TMBIM4: variants seen among roughly 807,000 people sequenced by gnomAD.
TMBIM4 encodes protein lifeguard 4.
In TMBIM4, 28 loss-of-function variants were observed where a neutral mutation model predicts 27.7. That is an observed-to-expected ratio of 1.01 (90% CI 0.75 to 1.38). TMBIM4 has a LOEUF of 1.38. Ranked by LOEUF, TMBIM4 falls within the 40% of genes most tolerant of loss-of-function variation. TMBIM4 has a pLI of 0.00. For missense variants in TMBIM4, 265 were observed against 277.5 expected, an observed-to-expected ratio of 0.95 and a Z score of 0.32; for synonymous variants, 115 against 113.1, an observed-to-expected ratio of 1.02 and a Z score of -0.11.
At chr12:66,149,359 C>T (rs950664453) in intron 3 of TMBIM4, among the ~76,000 whole-genome samples, 2 of 147,890 alleles carry the variant, frequency 1.4e-5, no homozygotes, top group Non-Finnish European at 3.0e-5. Flanking sequence ...GTGGGAGGAT[C>T]GCTTAAGCCC....
At chr12:66,149,887 T>C (rs1389850082) in intron 3 of TMBIM4, among the ~76,000 whole-genome samples, 1 of 150,990 alleles carries the variant, frequency 6.6e-6, no homozygotes, top group Non-Finnish European at 1.5e-5. Context: ...TGTGCATGCA[T>C]ACACACACAC....
intron 4 of TMBIM4, among the ~76,000 whole-genome samples, chr12:66,147,476 A>G (rs1418403259): frequency 6.6e-6 from 1 of 152,214 alleles, no homozygotes; most frequent in Non-Finnish European, 1.5e-5. Flanking sequence ...TGTTTCTTGC[A>G]GTGCCATTTG....
intron 4 of TMBIM4, among the ~76,000 whole-genome samples, chr12:66,146,222 C>A (rs544817183): frequency 6.6e-6 from 1 of 152,160 alleles, no homozygotes; most frequent in African/African-American, 2.4e-5. Context: ...AGAGCTATCA[C>A]GCCTGTAGCC....
chr12:66,155,359 A>AGG (rs2051917154), intron 1 of TMBIM4, among the ~76,000 whole-genome samples: 4 of 150,728 alleles, frequency 2.7e-5, no homozygotes, highest in South Asian at 2.1e-4. Context: ...AGAGAGAGAG[A>AGG]GGCAGGGTCT....
chr12:66,162,461 C>T (rs1023157638), intron 1 of TMBIM4, among the ~76,000 whole-genome samples: 12 of 152,204 alleles, frequency 7.9e-5, no homozygotes, highest in African/African-American at 2.9e-4. Flanking sequence ...TTACTGCTCT[C>T]CTAGATTATT....
intron 1 of TMBIM4, among the ~76,000 whole-genome samples, chr12:66,158,782 C>T (rs2051989416): frequency 6.6e-6 from 1 of 152,154 alleles, no homozygotes; most frequent in Non-Finnish European, 1.5e-5. Context: ...CAGTAAGAAT[C>T]ACAAGACACC....
chr12:66,169,939 CG>C lies in TMBIM4; in HGVS notation c.12del (p.Asp5ThrfsTer31). MAD[P>X]DPRYPRSSIE... ...ATCGAGGAGCGAGGGTACCGGGGGT[CG>C]GGGTCAGCCATGATGGCAACAGCAC... On this transcript the variant is annotated frameshift_variant, in exon 1 of 7. Coordinates refer to ENST00000358230, the MANE Select transcript of TMBIM4 (RefSeq NM_016056.4). LOFTEE classifies it high-confidence loss of function. The C allele has an allele frequency of 6.7e-7, 1 of 1,495,046 alleles. No homozygotes were observed. The highest frequency in any genetic ancestry group is 8.9e-7 in the Non-Finnish European group (1 of 1,124,036). The allele number at this position is 1,495,046 out of a possible 1,614,324, so 92.6% of individuals were successfully genotyped here. A position where few individuals can be genotyped will look rare whatever the true frequency, so the allele number is the denominator to read the frequency against.
At chr12:66,140,545 G>A (rs1017740828) in intron 5 of TMBIM4, among the ~76,000 whole-genome samples, 2 of 152,158 alleles carry the variant, frequency 1.3e-5, no homozygotes, top group Non-Finnish European at 2.9e-5. Flanking sequence ...TGTAACTGGA[G>A]TCTCAAGCAA....
At chr12:66,163,671 C>T (rs1031207209) in intron 1 of TMBIM4, among the ~76,000 whole-genome samples, 2 of 152,182 alleles carry the variant, frequency 1.3e-5, no homozygotes, top group Non-Finnish European at 2.9e-5. Context: ...GGAATGACAA[C>T]TCAAGGTGAG....
chr12:66,148,507 G>A (rs1156650114), intron 3 of TMBIM4, among the ~76,000 whole-genome samples: 1 of 152,122 alleles, frequency 6.6e-6, no homozygotes, highest in East Asian at 1.9e-4. Flanking sequence ...GACTAAGATA[G>A]GAATTCAACT....
chr12:66,145,041 C>T (rs2051729296), intron 5 of TMBIM4, among the ~76,000 whole-genome samples: 1 of 152,068 alleles, frequency 6.6e-6, no homozygotes, highest in African/African-American at 2.4e-5. Context: ...AAACATCCTT[C>T]CAAAGAAGGA....
chr12:66,165,115 A>G (rs1335948987), intron 1 of TMBIM4, among the ~76,000 whole-genome samples: 2 of 152,172 alleles, frequency 1.3e-5, no homozygotes, highest in East Asian at 3.9e-4. Context: ...TGGAAAACCG[A>G]TGTTCATACT....
chr12:66,155,982 C>T (rs999581894), intron 1 of TMBIM4, among the ~76,000 whole-genome samples: 5 of 152,134 alleles, frequency 3.3e-5, no homozygotes, highest in African/African-American at 7.2e-5. Context: ...TAAAGAAACT[C>T]GTGCTAAGCC....
chr12:66,167,285 G>A (rs2052147945), intron 1 of TMBIM4, among the ~76,000 whole-genome samples: 1 of 152,164 alleles, frequency 6.6e-6, no homozygotes, highest in Non-Finnish European at 1.5e-5. Context: ...TCCAGTCTAG[G>A]TTCACTGATT....
At chr12:66,140,393 C>T (rs190805117) in intron 5 of TMBIM4, among the ~76,000 whole-genome samples, 1 of 151,916 alleles carries the variant, frequency 6.6e-6, no homozygotes, top group African/African-American at 2.4e-5. Context: ...GCAGATTAGA[C>T]ACTGAAGAAG....
At chr12:66,169,400 G>C in intron 1 of TMBIM4, 2 of 584,306 alleles carry the variant, frequency 3.4e-6, no homozygotes, top group Admixed American at 3.4e-5. Flanking sequence ...GCCTAGCACA[G>C]GACGGTAAAT....
chr12:66,151,665 G>C (rs890433122), intron 3 of TMBIM4, among the ~76,000 whole-genome samples: 7 of 152,086 alleles, frequency 4.6e-5, no homozygotes, highest in Admixed American at 1.3e-4. Flanking sequence ...CCTTATTCTG[G>C]TCATATTCTA....
intron 5 of TMBIM4, among the ~76,000 whole-genome samples, chr12:66,140,376 ATTAATAGCAGAT>A (rs1400687991): frequency 2.0e-5 from 3 of 152,188 alleles, no homozygotes; most frequent in African/African-American, 7.2e-5. Flanking sequence ...TCTGATTGGA[ATTAATAGCAGAT>A]TAGACACTGA....
In TMBIM4 at chr12:66,169,935, G is replaced by T. The variant is rs974208470; in HGVS notation, c.17C>A (p.Pro6His). 4.7e-6 allele frequency: 7 copies of T among 1,496,252 alleles called. No individual in the cohort carries two copies. In the African/African-American group the frequency reaches 8.8e-5, roughly 19 times the overall value. The allele number at this position is 1,496,252 out of a possible 1,614,324, so 92.7% of individuals were successfully genotyped here. A position where few individuals can be genotyped will look rare whatever the true frequency, so the allele number is the denominator to read the frequency against. MADPD[P>H]RYPRSSIEDD... ...CTCGATCGAGGAGCGAGGGTACCGG[G>T]GGTCGGGGTCAGCCATGATGGCAAC... The change falls in exon 1 of 7, where the codon CCC becomes CAC. Residue 6 changes from proline (P) to histidine (H), a missense_variant. By Grantham distance (77) the Pro-to-His change is moderately conservative (BLOSUM62 -2). Transcript: ENST00000358230.
Sources: gnomAD v4.1 joint callset for allele counts (sites outside exome capture counted in the v4.1 genomes callset) on GRCh38, gnomAD v4.1.1 for gene constraint, MANE v1.5 for transcripts, NCBI Gene and HGNC (gene_info 2026-07-23, HGNC 2026-07-21) for gene names.